The following THOP1 variants were observed in gnomAD, a reference collection of about 807,000 sequenced individuals.
The protein encoded by THOP1 is thimet oligopeptidase 1, also known as thimet oligopeptidase.
Under a neutral mutation model 71.8 loss-of-function variants are expected in THOP1, and 49 were observed. The ratio of observed to expected loss-of-function variants is 0.68; its 90% CI spans 0.54 to 0.87. The LOEUF is 0.87. Among genes scored for constraint, THOP1 ranks in the 40% least tolerant of loss-of-function variants. THOP1 has a pLI of 0.00. For synonymous variants in THOP1, 426 were observed against 421.5 expected, an observed-to-expected ratio of 1.01 and a Z score of -0.13; for missense variants, 843 against 975.6, an observed-to-expected ratio of 0.86 and a Z score of 1.81.
intron 1 of THOP1, 21 bp downstream of exon 1, chr19:2,785,699 C>T: frequency 1.4e-6 from 2 of 1,437,246 alleles, no homozygotes; most frequent in South Asian, 3.1e-5. Context: ...CCCCGCTCGC[C>T]GGACCCGGGC....
intron 2 of THOP1, among the ~76,000 whole-genome samples, chr19:2,791,784 G>A (rs950213631): frequency 3.7e-4 from 56 of 152,260 alleles, no homozygotes; most frequent in African/African-American, 1.3e-3. Context: ...TCACATGGTG[G>A]CGAGACTAGC....
chr19:2,794,234 C>T (rs988074122), intron 2 of THOP1, among the ~76,000 whole-genome samples: 7 of 151,978 alleles, frequency 4.6e-5, no homozygotes. Flanking sequence ...AGGCTGGTCT[C>T]GGACTCCTGA....
chr19:2,788,225 A>G (rs999370128), intron 1 of THOP1, among the ~76,000 whole-genome samples: 38 of 152,226 alleles, frequency 2.5e-4, no homozygotes, highest in African/African-American at 8.9e-4. Context: ...GGGAAGCCTG[A>G]GAGTTAATGT....
intron 9 of THOP1, 53 bp from the exon 10 acceptor site, chr19:2,810,251 G>A: frequency 1.9e-6 from 3 of 1,580,036 alleles, no homozygotes; most frequent in Non-Finnish European, 1.7e-6. Flanking sequence ...CAGGCCGGCG[G>A]GAACGGGCTA....
chr19:2,812,881 G>A (rs541208523), intron 12 of THOP1, among the ~76,000 whole-genome samples: 5 of 152,228 alleles, frequency 3.3e-5, no homozygotes, highest in Non-Finnish European at 7.3e-5. Context: ...CACCTCGGGA[G>A]TTTGGGGAGT....
Position 2,807,560 on chromosome 19 carries a change from G to A in THOP1, c.1005G>A (p.Trp335Ter). ...CCTTCGACGGCCGCATCCGTGCCTGGGACATGCGCTACTACATGAACCAGG... is the reference window on the plus strand; with the variant it reads ...CCTTCGACGGCCGCATCCGTGCCTGAGACATGCGCTACTACATGAACCAGG... ...GLPFDGRIRAWDMRYYMNQVE... is the reference protein window; with the variant it reads ...GLPFDGRIRA Residue 335 changes from tryptophan to a stop codon, truncating the protein, a stop_gained, in exon 8 of 13, where the codon TGG becomes TGA. Coordinates refer to ENST00000307741, the MANE Select transcript of THOP1 (RefSeq NM_003249.5). LOFTEE classifies it high-confidence loss of function. 1 of 1,612,576 alleles carries A rather than the reference G, an allele frequency of 6.2e-7. No individual in the cohort carries two copies. The highest frequency in any genetic ancestry group is 8.5e-7 in the Non-Finnish European group (1 of 1,179,850).
chr19:2,807,035 C>T lies in THOP1; in HGVS notation c.869C>T (p.Thr290Ile). 1 of 1,610,532 alleles carries T rather than the reference C, an allele frequency of 6.2e-7. No homozygotes were observed. The highest frequency in any genetic ancestry group is 8.5e-7 in the Non-Finnish European group (1 of 1,178,788). Residue 290 changes from threonine to isoleucine, a missense_variant, in exon 7 of 13, where the codon ACC (threonine) becomes ATC (isoleucine). Coordinates refer to ENST00000307741, the MANE Select transcript of THOP1 (RefSeq NM_003249.5). ...LEMNMAKTSQ[T>I]VATFLDELAQ... Reference sequence around the variant, plus strand: ...ATGAACATGGCCAAGACCAGCCAGACCGTGGCCACCTTCCTAGGTAGCCCT... The same window carrying T: ...ATGAACATGGCCAAGACCAGCCAGATCGTGGCCACCTTCCTAGGTAGCCCT...
Position 2,790,414 on chromosome 19 carries a change from T to C in THOP1, c.17-7T>C. On this transcript the variant is annotated splice_region_variant and splice_polypyrimidine_tract_variant and intron_variant, in intron 1 of 12. Coordinates refer to ENST00000307741, the MANE Select transcript of THOP1 (RefSeq NM_003249.5). ...CCCGCCCGGCACTGGGTTTTGTTTC[T>C]GCGTAGCCTGTGCAGGAGACATGGC... 1 of 1,524,490 alleles carries C rather than the reference T, an allele frequency of 6.6e-7. No individual in the cohort carries two copies. The highest frequency in any genetic ancestry group is 8.8e-7 in the Non-Finnish European group (1 of 1,135,310). The allele number at this position is 1,524,490 out of a possible 1,614,324, so 94.4% of individuals were successfully genotyped here. A position where few individuals can be genotyped will look rare whatever the true frequency, so the allele number is the denominator to read the frequency against.
intron 9 of THOP1, among the ~76,000 whole-genome samples, chr19:2,809,116 A>T (rs950390074): frequency 6.6e-6 from 1 of 152,070 alleles, no homozygotes; most frequent in East Asian, 1.9e-4. Flanking sequence ...GTGCATGCAG[A>T]CCTGTCCCTC....
chr19:2,806,135 C>G (rs1489535859), intron 6 of THOP1: 1 of 152,334 alleles, frequency 6.6e-6, no homozygotes, highest in East Asian at 1.9e-4. Context: ...GCTATGAATT[C>G]ATGTTGCTGT....
At position 2,790,464 on chromosome 19, in the gene THOP1, G is replaced by T; in HGVS notation, c.60G>T (p.Val20=). 1 of 1,599,344 alleles carries T rather than the reference G, an allele frequency of 6.3e-7. No individual in the cohort carries two copies. Among genetic ancestry groups the T allele is most frequent in the South Asian group, 1.1e-5 (1 of 89,212 alleles). The change falls in exon 2 of 13, where the codon GTG becomes GTT. Residue 20 remains valine, a synonymous_variant. Transcript: ENST00000307741. Reference sequence around the variant, plus strand: ...CGGACGCAGCATCTCCGTGCTCTGTGGTAAACGACCTGCGGTGGGACCTGA... The same window carrying T: ...CGGACGCAGCATCTCCGTGCTCTGTTGTAAACGACCTGCGGTGGGACCTGA... ...DMADAASPCS[V]VNDLRWDLSA...
chr19:2,807,343 A>T, intron 7 of THOP1, 99 bp from the exon 8 acceptor site: 11 of 1,452,430 alleles, frequency 7.6e-6, no homozygotes, highest in Non-Finnish European at 9.9e-6. Flanking sequence ...CCTCCCTTCC[A>T]AATGGGGAGC....
chr19:2,807,965 C>T (rs752382171), intron 8 of THOP1, 157 bp downstream of exon 8: 55 of 928,728 alleles, frequency 5.9e-5, no homozygotes, highest in Non-Finnish European at 7.8e-5. Context: ...CCACAGGGGC[C>T]GAAAATGCAG....
At chr19:2,790,753 C>G in intron 2 of THOP1, 120 bp downstream of exon 2, 1 of 937,648 alleles carries the variant, frequency 1.1e-6, no homozygotes, top group Non-Finnish European at 1.5e-6. Flanking sequence ...CACCAGCACC[C>G]TGCCCCTGAG....
In THOP1 at chr19:2,808,263, C is replaced by CGGCCTGCTTT. The variant is rs1916363706; in HGVS notation, c.1282_1291dup (p.Gln431LeufsTer39). 1 of 1,550,786 alleles carries CGGCCTGCTTT rather than the reference C, an allele frequency of 6.4e-7. No homozygotes were observed. Among genetic ancestry groups the CGGCCTGCTTT allele is most frequent in the African/African-American group, 1.4e-5 (1 of 73,208 alleles). ...CCCAGGGAAGGAAAGTACGGGCACG[C>CGGCCTGCTTT]GGCCTGCTTTGGCCTGCAGCCCGGC... is the stretch of plus-strand genomic sequence containing the variant. On this transcript the variant is annotated frameshift_variant, in exon 9 of 13. Transcript: ENST00000307741. LOFTEE classifies it high-confidence loss of function.
In THOP1 at chr19:2,801,781, G is replaced by A. The variant is rs1470437202; in HGVS notation, c.589+1990G>A. 2.6e-5 allele frequency among the ~76,000 whole-genome samples: 4 copies of A among 151,998 alleles called. No homozygotes were observed. The highest frequency in any genetic ancestry group is 9.7e-5 in the African/African-American group (4 of 41,358). On this transcript the variant is annotated intron_variant, in intron 5 of 12. Transcript: ENST00000307741. The surrounding 1 kb of genome is among the most constrained non-coding windows in gnomAD (Gnocchi z 5.1). ...AGGGTGTCACATGGCAAGGGGAGGG[G>A]GCTAAGCGAGCCGGTTCCACCCAGG...
At chr19:2,793,483 A>G (rs1915933325) in intron 2 of THOP1, among the ~76,000 whole-genome samples, 1 of 151,928 alleles carries the variant, frequency 6.6e-6, no homozygotes, top group Admixed American at 6.6e-5. Flanking sequence ...TGAGGTCAGG[A>G]GTTCAAGACC....
chr19:2,803,762 G>A (rs1916216528), intron 5 of THOP1, among the ~76,000 whole-genome samples: 1 of 152,152 alleles, frequency 6.6e-6, no homozygotes, highest in Non-Finnish European at 1.5e-5. Flanking sequence ...GGAAGGCGGG[G>A]GCTCTGCCGG....
chr19:2,805,249 T>C lies in THOP1; in HGVS notation c.750+73T>C. 1.3e-6 allele frequency: 2 copies of C among 1,498,832 alleles called. No individual in the cohort carries two copies. Among genetic ancestry groups the C allele is most frequent in the Non-Finnish European group, 1.8e-6 (2 of 1,118,432 alleles). The allele number at this position is 1,498,832 out of a possible 1,614,324, so 92.8% of individuals were successfully genotyped here. On this transcript the variant is annotated intron_variant, in intron 6 of 12. Coordinates refer to ENST00000307741, the MANE Select transcript of THOP1 (RefSeq NM_003249.5). This position sits in a 1 kb window ranked among gnomAD's most constrained non-coding sequence, Gnocchi z 6.6. ...GTGGGGCCCGTCTGCTCCATGTGTG[T>C]GAGGCACCTCCAGGCTTTGCACTTG...
Sources: gnomAD v4.1 joint callset for allele counts (sites outside exome capture counted in the v4.1 genomes callset) on GRCh38, gnomAD v4.1.1 for gene constraint, Gnocchi (gnomAD v3.1) non-coding constraint, MANE v1.5 for transcripts, NCBI Gene and HGNC (gene_info 2026-07-23, HGNC 2026-07-21) for gene names.